SRC: variants seen among roughly 807,000 people sequenced by gnomAD.
SRC encodes SRC proto-oncogene, non-receptor tyrosine kinase, also known as proto-oncogene tyrosine-protein kinase Src.
SRC carries 13 observed loss-of-function variants against 62.9 expected under a neutral mutation model. The observed-to-expected ratio is 0.21, with a 90% CI of 0.13 to 0.33. The LOEUF (loss-of-function observed/expected upper bound fraction) is 0.33, where lower values mean the gene tolerates loss of function less well. SRC is among the 10% of genes least tolerant of loss of function. The pLI is 1.00. For missense variants in SRC, 457 were observed against 737.3 expected (o/e 0.62, Z 4.40); for synonymous variants, 302 against 317.5 (o/e 0.95, Z 0.52).
intron 2 of SRC, among the ~76,000 whole-genome samples, chr20:37,381,456 C>T (rs1292571590): frequency 1.3e-5 from 2 of 152,184 alleles, no homozygotes; most frequent in African/African-American, 2.4e-5. Context: ...GCTCACTCCT[C>T]AACATTTATT....
chr20:37,396,516 C>T lies in SRC; in HGVS notation c.703+205C>T. The T allele has an allele frequency of 1.5e-6, 1 of 657,420 alleles. No homozygotes were observed. Among genetic ancestry groups the T allele is most frequent in the Admixed American group, 2.9e-5 (1 of 34,382 alleles). The allele number at this position is 657,420 out of a possible 1,614,324, so 40.7% of individuals were successfully genotyped here. On this transcript the variant is annotated intron_variant, in intron 8 of 13. Transcript: ENST00000373578. The surrounding 1 kb of genome is among the most constrained non-coding windows in gnomAD (Gnocchi z 6.1). ...TCCTCTTCTTTCCCCCAGCCCCCCT[C>T]CTCCCTGTCCCCCTCTCTCCCTGCT... is the stretch of plus-strand genomic sequence containing the variant.
chr20:37,350,406 G>A (rs1050120793), intron 1 of SRC, among the ~76,000 whole-genome samples: 34 of 152,202 alleles, frequency 2.2e-4, no homozygotes, highest in African/African-American at 8.2e-4. Context: ...TTCAGTTTCT[G>A]AAGCTGTGAA....
intron 2 of SRC, among the ~76,000 whole-genome samples, chr20:37,366,840 A>G (rs1379474876): frequency 6.6e-6 from 1 of 152,146 alleles, no homozygotes; most frequent in African/African-American, 2.4e-5. Context: ...ATTCATGCAC[A>G]AGTTTTTGTA....
intron 1 of SRC, among the ~76,000 whole-genome samples, chr20:37,361,234 C>A (rs1041278310): frequency 2.0e-5 from 3 of 152,136 alleles, no homozygotes; most frequent in African/African-American, 7.2e-5. Flanking sequence ...CCCCCTCCAT[C>A]CAAGTTTGGC....
At chr20:37,380,870 T>C (rs1238550616) in intron 2 of SRC, among the ~76,000 whole-genome samples, 1 of 152,180 alleles carries the variant, frequency 6.6e-6, no homozygotes, top group Admixed American at 6.5e-5. Flanking sequence ...CTTTTCTTTT[T>C]TTTTAATCTT....
intron 2 of SRC, among the ~76,000 whole-genome samples, chr20:37,381,230 A>C (rs1391582450): frequency 6.6e-6 from 1 of 152,038 alleles, no homozygotes; most frequent in African/African-American, 2.4e-5. Flanking sequence ...GGTCCCTGTT[A>C]TGCTTTTTCT....
chr20:37,348,433 G>A (rs549705487), intron 1 of SRC, among the ~76,000 whole-genome samples: 57 of 152,288 alleles, frequency 3.7e-4, no homozygotes, highest in African/African-American at 1.3e-3. Flanking sequence ...CCATGTATAA[G>A]CATTTGTGAC....
intron 2 of SRC, among the ~76,000 whole-genome samples, chr20:37,371,871 T>A (rs981916032): frequency 6.6e-6 from 1 of 151,768 alleles, no homozygotes; most frequent in East Asian, 1.9e-4. Flanking sequence ...CCTGGCTGAT[T>A]TTTGTATTTT....
At chr20:37,379,919 A>G (rs1348736339) in intron 2 of SRC, among the ~76,000 whole-genome samples, 2 of 145,128 alleles carry the variant, frequency 1.4e-5, no homozygotes, top group African/African-American at 5.1e-5. Context: ...AAAGGAAAAG[A>G]AAAAGAACGA....
At chr20:37,349,729 C>G (rs1158086342) in intron 1 of SRC, among the ~76,000 whole-genome samples, 1 of 152,206 alleles carries the variant, frequency 6.6e-6, no homozygotes, top group Non-Finnish European at 1.5e-5. Context: ...TGGGGCAGGG[C>G]TGGCTCGGGA....
At chr20:37,359,795 G>T (rs1402412190) in intron 1 of SRC, among the ~76,000 whole-genome samples, 3 of 152,180 alleles carry the variant, frequency 2.0e-5, no homozygotes, top group Non-Finnish European at 4.4e-5. Flanking sequence ...CAGACTGGGG[G>T]CTGAGGGTGG....
chr20:37,368,290 C>T (rs1019992482), intron 2 of SRC, among the ~76,000 whole-genome samples: 3 of 151,806 alleles, frequency 2.0e-5, no homozygotes, highest in Non-Finnish European at 4.4e-5. Flanking sequence ...CACTGGCGGG[C>T]ACCTGTGATC....
rs1048733171 is a variant in SRC at position 37,360,212 on chromosome 20, C to T, written c.-246-4992C>T. On this transcript the variant is annotated intron_variant, in intron 1 of 13. Coordinates refer to ENST00000373578, the MANE Select transcript of SRC (RefSeq NM_198291.3). ...GTGAACAATTTCTTTCTCTTTCTCTCTCTCTCTTTTTTTTTTTTTTTTTTT... is the reference window on the plus strand; with the variant it reads ...GTGAACAATTTCTTTCTCTTTCTCTTTCTCTCTTTTTTTTTTTTTTTTTTT... Among the ~76,000 whole-genome samples, 262 of 125,340 alleles carry T rather than the reference C, an allele frequency of 2.1e-3. 2 individuals are homozygous for T. The highest frequency in any genetic ancestry group is 8.3e-3 in the African/African-American group (211 of 25,354). The allele number at this position is 125,340 out of a possible 152,430, so 82.2% of individuals were successfully genotyped here.
intron 2 of SRC, among the ~76,000 whole-genome samples, chr20:37,376,299 C>T (rs2070277077): frequency 6.6e-6 from 1 of 152,192 alleles, no homozygotes; most frequent in South Asian, 2.1e-4. Context: ...ACAAGGTCTT[C>T]CACAGAAATC....
chr20:37,372,366 G>A (rs1410172089), intron 2 of SRC, among the ~76,000 whole-genome samples: 1 of 152,052 alleles, frequency 6.6e-6, no homozygotes, highest in Non-Finnish European at 1.5e-5. Flanking sequence ...CCATATATTT[G>A]GATATGTTGT....
At chr20:37,383,898 AT>A (rs59004959) in intron 3 of SRC, among the ~76,000 whole-genome samples, 523 of 139,508 alleles carry the variant, frequency 3.7e-3, no homozygotes, top group Middle Eastern at 0.011. Context: ...TGCCCGGCTA[AT>A]TTTTTTTTTT....
chr20:37,396,012 C>G lies in SRC; in HGVS notation c.554-150C>G. ...CTTGGCCCTGCCTCTGTGGCTGCCC[C>G]GGGGCTGGCTGTTGAGAGACAGGGT... On this transcript the variant is annotated intron_variant, in intron 7 of 13. Transcript: ENST00000373578. This position sits in a 1 kb window ranked among gnomAD's most constrained non-coding sequence, Gnocchi z 6.1. The G allele has an allele frequency of 9.0e-7, 1 of 1,115,522 alleles. No individual in the cohort carries two copies. The highest frequency in any genetic ancestry group is 1.3e-6 in the Non-Finnish European group (1 of 797,296). The allele number at this position is 1,115,522 out of a possible 1,614,324, so 69.1% of individuals were successfully genotyped here.
chr20:37,402,986 A>G lies in SRC; in HGVS notation c.1402+106A>G. On this transcript the variant is annotated intron_variant, in intron 13 of 13. Coordinates refer to ENST00000373578, the MANE Select transcript of SRC (RefSeq NM_198291.3). This position sits in a 1 kb window ranked among gnomAD's most constrained non-coding sequence, Gnocchi z 6.2. ...GGCCTGTTTCCCCACCCGTAAAACA[A>G]AGAAGTTGAGCGTCTGATGTTAGGC... 1.4e-6 allele frequency: 2 copies of G among 1,464,356 alleles called. No homozygotes were observed. The highest frequency in any genetic ancestry group is 1.8e-6 in the Non-Finnish European group (2 of 1,096,740). The allele number at this position is 1,464,356 out of a possible 1,614,324, so 90.7% of individuals were successfully genotyped here. A position where few individuals can be genotyped will look rare whatever the true frequency, so the allele number is the denominator to read the frequency against.
At chr20:37,347,792 AG>A (rs931298054) in intron 1 of SRC, among the ~76,000 whole-genome samples, 1 of 152,064 alleles carries the variant, frequency 6.6e-6, no homozygotes, top group African/African-American at 2.4e-5. Context: ...AGGCTAAGAG[AG>A]GGGAAGTGAC....
Sources: gnomAD v4.1 joint callset for allele counts (sites outside exome capture counted in the v4.1 genomes callset) on GRCh38, gnomAD v4.1.1 for gene constraint, Gnocchi (gnomAD v3.1) non-coding constraint, MANE v1.5 for transcripts, NCBI Gene and HGNC (gene_info 2026-07-23, HGNC 2026-07-21) for gene names.